Variants in ARK2N observed in about 807,000 individuals in gnomAD.
ARK2N encodes the protein arkadia (RNF111) N-terminal like PKA signaling regulator 2N.
chr18:46,263,736 C>T, the ARK2N span: 3 of 152,748 alleles, frequency 2.0e-5, no homozygotes, highest in South Asian at 6.2e-4. Flanking sequence ...TGACATGTCC[C>T]TTTGTGTTTA....
chr18:46,210,507 T>TA, the ARK2N span, among the ~76,000 whole-genome samples: 1 of 152,148 alleles, frequency 6.6e-6, no homozygotes, highest in Non-Finnish European at 1.5e-5. Context: ...AAAATCTAAA[T>TA]ACAGATGTCA....
chr18:46,230,879 C>T, the ARK2N span, among the ~76,000 whole-genome samples: 2 of 152,164 alleles, frequency 1.3e-5, no homozygotes, highest in Non-Finnish European at 2.9e-5. Context: ...ATTTAAGAGG[C>T]CATTATCCTC....
chr18:46,233,359 A>G, the ARK2N span, among the ~76,000 whole-genome samples: 1 of 152,172 alleles, frequency 6.6e-6, no homozygotes, highest in Non-Finnish European at 1.5e-5. Flanking sequence ...TGTAGTACAG[A>G]TATTTTAGTT....
At chr18:46,185,752 C>T in the ARK2N span, among the ~76,000 whole-genome samples, 5 of 152,148 alleles carry the variant, frequency 3.3e-5, no homozygotes, top group Non-Finnish European at 7.3e-5. Flanking sequence ...TTTGTGAGGC[C>T]TAGGCGGGCA....
the ARK2N span, among the ~76,000 whole-genome samples, chr18:46,175,482 C>T: frequency 4.8e-4 from 73 of 152,024 alleles, no homozygotes; most frequent in African/African-American, 1.8e-3. Context: ...AATCTAGATT[C>T]CTCCAGTAAT....
chr18:46,257,192 C>G, the ARK2N span, among the ~76,000 whole-genome samples: 3 of 152,082 alleles, frequency 2.0e-5, no homozygotes, highest in Non-Finnish European at 2.9e-5. Context: ...TTTTTAAGAA[C>G]TCAGATTTGG....
At chr18:46,231,741 T>TG in the ARK2N span, 1 of 152,178 alleles carries the variant, frequency 6.6e-6, no homozygotes, top group African/African-American at 2.4e-5. Context: ...TCTTTCTTTT[T>TG]TTTTTTGTTT....
the ARK2N span, among the ~76,000 whole-genome samples, chr18:46,262,711 T>C: frequency 6.6e-6 from 1 of 152,100 alleles, no homozygotes; most frequent in Non-Finnish European, 1.5e-5. Context: ...ACCCTTGGCC[T>C]TTTTAAGGCT....
At chr18:46,257,818 C>G in the ARK2N span, among the ~76,000 whole-genome samples, 1 of 152,208 alleles carries the variant, frequency 6.6e-6, no homozygotes, top group Non-Finnish European at 1.5e-5. Flanking sequence ...GGACCTCATT[C>G]TAGTCTGTTA....
chr18:46,255,787 C>G, the ARK2N span, among the ~76,000 whole-genome samples: 1 of 151,502 alleles, frequency 6.6e-6, no homozygotes, highest in East Asian at 1.9e-4. Flanking sequence ...TCTCCCTATT[C>G]CGGTGGGAAA....
At chr18:46,185,865 TA>T in the ARK2N span, among the ~76,000 whole-genome samples, 2,648 of 152,232 alleles carry the variant, frequency 0.017, 71 homozygotes, top group African/African-American at 0.06. Context: ...CTTACACTGG[TA>T]ATCTCAGCTA....
the ARK2N span, among the ~76,000 whole-genome samples, chr18:46,235,118 A>G: frequency 1.3e-5 from 2 of 152,304 alleles, no homozygotes; most frequent in South Asian, 4.1e-4. Flanking sequence ...GAGTGACAAC[A>G]CTTGTGTTAG....
chr18:46,260,734 T>G, the ARK2N span, among the ~76,000 whole-genome samples: 1 of 152,332 alleles, frequency 6.6e-6, no homozygotes, highest in South Asian at 2.1e-4. Context: ...AGGCAGTGCT[T>G]CTTTCAGTCA....
chr18:46,214,438 G>A, the ARK2N span, among the ~76,000 whole-genome samples: 1 of 152,170 alleles, frequency 6.6e-6, no homozygotes, highest in African/African-American at 2.4e-5. Flanking sequence ...TAGGTTCTTG[G>A]AAACTGCGAC....
the ARK2N span, among the ~76,000 whole-genome samples, chr18:46,203,907 CTGATT>C: frequency 6.6e-6 from 1 of 152,100 alleles, no homozygotes; most frequent in Non-Finnish European, 1.5e-5. Flanking sequence ...AGGAGTCTGA[CTGATT>C]TGATTTAAAG....
At chr18:46,205,666 C>T in the ARK2N span, among the ~76,000 whole-genome samples, 586 of 152,244 alleles carry the variant, frequency 3.8e-3, 8 homozygotes, top group South Asian at 0.019. Flanking sequence ...GTCCTTATAC[C>T]AATGATGTCA....
the ARK2N span, among the ~76,000 whole-genome samples, chr18:46,254,714 A>C: frequency 7.2e-5 from 11 of 152,264 alleles, no homozygotes; most frequent in African/African-American, 2.7e-4. Flanking sequence ...TCGTTTCAAC[A>C]AAGATTATAT....
chr18:46,211,425 T>A, the ARK2N span, among the ~76,000 whole-genome samples: 5 of 152,216 alleles, frequency 3.3e-5, no homozygotes, highest in Non-Finnish European at 5.9e-5. Context: ...CTAGGCTTGT[T>A]CCACTGGTTT....
chr18:46,184,033 C>T, the ARK2N span, among the ~76,000 whole-genome samples: 1,556 of 151,832 alleles, frequency 0.01, 83 homozygotes, highest in African/African-American at 0.035. Flanking sequence ...CAGTGTCACC[C>T]GGGCTGGTGT....
Sources: gnomAD v4.1 joint callset for allele counts (sites outside exome capture counted in the v4.1 genomes callset) on GRCh38, gnomAD v4.1.1 for gene constraint, MANE v1.5 for transcripts, NCBI Gene and HGNC (gene_info 2026-07-23, HGNC 2026-07-21) for gene names.